Variants in NUBPL observed in about 807,000 individuals in gnomAD.
The protein encoded by NUBPL is iron-sulfur cluster transfer protein NUBPL.
A neutral mutation model predicts 45.7 loss-of-function variants in NUBPL; 31 were observed. That is an observed-to-expected ratio of 0.68 (90% CI 0.51 to 0.92). The LOEUF is 0.92. Ranked by LOEUF, NUBPL falls within the 40% of genes least tolerant of loss-of-function variation. The pLI is 0.00. For synonymous variants in NUBPL, 144 were observed against 140.9 expected (o/e 1.02, Z -0.15); for missense variants, 401 against 398.7 (o/e 1.01, Z -0.05).
intron 6 of NUBPL, among the ~76,000 whole-genome samples, chr14:31,730,455 C>T (rs915850832): frequency 4.0e-5 from 6 of 150,246 alleles, no homozygotes; most frequent in Non-Finnish European, 8.9e-5. Context: ...TCTGCTGGAT[C>T]AAGTAATCTT....
intron 4 of NUBPL, among the ~76,000 whole-genome samples, chr14:31,640,048 G>A (rs994543938): frequency 2.6e-5 from 4 of 152,154 alleles, no homozygotes; most frequent in African/African-American, 7.2e-5. Flanking sequence ...GAGCGAGGCA[G>A]TGCCTCGCCC....
chr14:31,651,786 C>G (rs2036012182), intron 4 of NUBPL, among the ~76,000 whole-genome samples: 1 of 151,534 alleles, frequency 6.6e-6, no homozygotes, highest in South Asian at 2.1e-4. Flanking sequence ...ATAGTCCCAG[C>G]TACTCAGGAG....
At chr14:31,771,572 C>A (rs1481936426) in intron 6 of NUBPL, among the ~76,000 whole-genome samples, 6 of 152,154 alleles carry the variant, frequency 3.9e-5, no homozygotes, top group Non-Finnish European at 8.8e-5. Flanking sequence ...TGACTTGAGT[C>A]ACACAGACCA....
intron 2 of NUBPL, among the ~76,000 whole-genome samples, chr14:31,564,401 C>CAGT (rs1179436144): frequency 1.3e-5 from 2 of 150,570 alleles, no homozygotes; most frequent in African/African-American, 4.9e-5. Flanking sequence ...TTTTAAAAGG[C>CAGT]AGTAGGGGCA....
At chr14:31,855,091 C>G (rs1303503347) in intron 10 of NUBPL, among the ~76,000 whole-genome samples, 1 of 151,392 alleles carries the variant, frequency 6.6e-6, no homozygotes, top group Non-Finnish European at 1.5e-5. Flanking sequence ...GTTTATGTCT[C>G]TAATGTAGAT....
In NUBPL at chr14:31,599,312, T is replaced by C. The variant is rs1448984885; in HGVS notation, c.315T>C (p.Asp105=). ...NDSSKAIGLL[D]VDVYGPSVPK... is the part of the protein sequence containing the mutation. The stretch of plus-strand genomic sequence containing the variant: ...AGTCCAAGGCCATTGGTTTGCTAGA[T>C]GTGGATGTGTATGGACCTTCAGTTC... The change falls in exon 4 of 11, where the codon GAT becomes GAC. Residue 105 remains aspartate (D), a synonymous_variant. Transcript: ENST00000281081. The C allele has an allele frequency of 6.2e-7, 1 of 1,612,556 alleles. No individual in the cohort carries two copies. Among genetic ancestry groups the C allele is most frequent in the East Asian group, 2.2e-5 (1 of 44,770 alleles).
chr14:31,783,702 G>A (rs1372805803), intron 6 of NUBPL, among the ~76,000 whole-genome samples: 1 of 152,108 alleles, frequency 6.6e-6, no homozygotes, highest in Non-Finnish European at 1.5e-5. Context: ...ATTTTTAGCA[G>A]AGACAGGGTT....
At chr14:31,738,303 G>C (rs2038205872) in intron 6 of NUBPL, among the ~76,000 whole-genome samples, 1 of 152,112 alleles carries the variant, frequency 6.6e-6, no homozygotes. Flanking sequence ...CCAGTTATAT[G>C]GGTTTTATTA....
chr14:31,617,535 G>T (rs8016490), intron 4 of NUBPL, among the ~76,000 whole-genome samples: 44,558 of 152,020 alleles, frequency 0.29, 7,410 homozygotes, highest in South Asian at 0.41. Flanking sequence ...TGAGATAATC[G>T]TGTGGTTTTT....
At chr14:31,573,827 AGTTTGTTTACTATCTCCTCTGC>A (rs1244353159) in intron 3 of NUBPL, among the ~76,000 whole-genome samples, 2 of 152,172 alleles carry the variant, frequency 1.3e-5, no homozygotes, top group Admixed American at 1.3e-4. Context: ...TATTTTATAA[AGTTTGTTTACTATCTCCTCTGC>A]TAGTCTGTGA....
chr14:31,600,472 C>G (rs529617350), intron 4 of NUBPL, among the ~76,000 whole-genome samples: 2 of 152,238 alleles, frequency 1.3e-5, no homozygotes, highest in South Asian at 2.1e-4. Flanking sequence ...ACTAGAGTAC[C>G]CGAATACCCA....
chr14:31,698,341 G>A lies in NUBPL; in HGVS notation c.513+24767G>A, dbSNP rs547226703. The stretch of plus-strand genomic sequence containing the variant: ...CGTCATTGCTGCAGAGCGATTCTAC[G>A]TCATTCATTTTGGTCTTTTTTTTTT... On this transcript the variant is annotated intron_variant, in intron 6 of 10. Transcript: ENST00000281081. 1.7e-4 allele frequency among the ~76,000 whole-genome samples: 26 copies of A among 150,698 alleles called. No individual in the cohort carries two copies. The South Asian group carries it at 2.9e-3, about 17-fold the overall frequency.
chr14:31,561,463 G>C lies in NUBPL; in HGVS notation c.24G>C (p.Leu8=). 7.0e-7 allele frequency: 1 copy of C among 1,420,768 alleles called. No individual in the cohort carries two copies. The highest frequency in any genetic ancestry group is 9.3e-7 in the Non-Finnish European group (1 of 1,077,848). The allele number at this position is 1,420,768 out of a possible 1,614,324, so 88.0% of individuals were successfully genotyped here. Residue 8 remains leucine, a synonymous_variant, in exon 1 of 11, where the codon CTG becomes CTC. Transcript: ENST00000281081. ...TCATGGGGATTTGGCAGCGTCTGCT[G>C]CTTTTTGGTGGGGTGTCGCTCCGGG... The part of the protein sequence containing the change: MGIWQRL[L]LFGGVSLRAG...
At chr14:31,763,971 CA>C in intron 6 of NUBPL, among the ~76,000 whole-genome samples, 1 of 152,250 alleles carries the variant, frequency 6.6e-6, no homozygotes. Flanking sequence ...GAAACTAAGG[CA>C]GACAAAATAT....
chr14:31,589,645 C>A (rs2034090684), intron 3 of NUBPL, among the ~76,000 whole-genome samples: 1 of 152,024 alleles, frequency 6.6e-6, no homozygotes, highest in Non-Finnish European at 1.5e-5. Flanking sequence ...TTTTTCCTTA[C>A]CTGTTTTGCT....
At chr14:31,646,833 A>G (rs2035866754) in intron 4 of NUBPL, among the ~76,000 whole-genome samples, 1 of 143,984 alleles carries the variant, frequency 6.9e-6, no homozygotes, top group South Asian at 2.3e-4. Flanking sequence ...TTCAGCACCA[A>G]CACTTCTCAA....
At chr14:31,771,470 T>C (rs1383126520) in intron 6 of NUBPL, among the ~76,000 whole-genome samples, 2 of 152,320 alleles carry the variant, frequency 1.3e-5, no homozygotes, top group East Asian at 1.9e-4. Context: ...AAAGCTCCTA[T>C]GTTCTTGAGG....
At chr14:31,662,340 T>C (rs984823504) in intron 4 of NUBPL, among the ~76,000 whole-genome samples, 9 of 152,084 alleles carry the variant, frequency 5.9e-5, no homozygotes, top group Non-Finnish European at 1.2e-4. Flanking sequence ...GAGATACACG[T>C]GCAGAATGTG....
chr14:31,797,792 G>T (rs1416607152), intron 7 of NUBPL, among the ~76,000 whole-genome samples: 120 of 142,012 alleles, frequency 8.4e-4, no homozygotes, highest in African/African-American at 2.9e-3. Flanking sequence ...GTTAGCTGGT[G>T]ATTTTGCTCA....
Sources: allele counts gnomAD v4.1 joint callset (sites outside exome capture counted in the v4.1 genomes callset), GRCh38; gene constraint gnomAD v4.1.1; transcripts MANE v1.5; gene names NCBI Gene and HGNC (gene_info 2026-07-23, HGNC 2026-07-21).